GRM1: variants seen among roughly 807,000 people sequenced by gnomAD.
The protein encoded by GRM1 is glutamate metabotropic receptor 1.
Under a neutral mutation model 90.9 loss-of-function variants are expected in GRM1, and 33 were observed. That is an observed-to-expected ratio of 0.36 (90% CI 0.28 to 0.49). The LOEUF (loss-of-function observed/expected upper bound fraction) is 0.49. GRM1 is among the 20% of genes least tolerant of loss of function. GRM1 has a pLI of 0.99. For missense variants in GRM1, 1,190 were observed against 1,534.3 expected (o/e 0.78, Z 3.75); for synonymous variants, 700 against 613.2 (o/e 1.14, Z -2.09).
At chr6:146,174,947 C>T (rs1377106952) in intron 2 of GRM1, among the ~76,000 whole-genome samples, 1 of 152,148 alleles carries the variant, frequency 6.6e-6, no homozygotes, top group Non-Finnish European at 1.5e-5. Context: ...TGTGTGGGGC[C>T]AGCCCAGGTG....
At chr6:146,209,610 A>C (rs1170509735) in intron 2 of GRM1, among the ~76,000 whole-genome samples, 1 of 152,184 alleles carries the variant, frequency 6.6e-6, no homozygotes, top group Non-Finnish European at 1.5e-5. Context: ...TTTGGAGGCA[A>C]GTTACACAAA....
chr6:146,378,594 C>A (rs1776199919), intron 5 of GRM1, among the ~76,000 whole-genome samples: 1 of 152,222 alleles, frequency 6.6e-6, no homozygotes, highest in Non-Finnish European at 1.5e-5. Context: ...GTTATTTACC[C>A]AATTCCTGTA....
chr6:146,345,700 C>G (rs1785165010), intron 3 of GRM1, among the ~76,000 whole-genome samples: 4 of 151,748 alleles, frequency 2.6e-5, no homozygotes, highest in Admixed American at 2.6e-4. Flanking sequence ...AGAGGTGGTG[C>G]TATGAGCATA....
At chr6:146,227,222 A>G (rs1780273189) in intron 2 of GRM1, among the ~76,000 whole-genome samples, 1 of 151,708 alleles carries the variant, frequency 6.6e-6, no homozygotes, top group African/African-American at 2.4e-5. Context: ...GTGTGTATCT[A>G]CACACATACA....
chr6:146,339,578 T>C (rs558692302), intron 3 of GRM1, among the ~76,000 whole-genome samples: 49 of 152,232 alleles, frequency 3.2e-4, no homozygotes, highest in Non-Finnish European at 4.4e-5. Context: ...TCACCATCAA[T>C]AATAATCATG....
chr6:146,297,055 T>C (rs967700517), intron 2 of GRM1, among the ~76,000 whole-genome samples: 2 of 152,238 alleles, frequency 1.3e-5, no homozygotes, highest in Non-Finnish European at 2.9e-5. Flanking sequence ...TGCTAGCACC[T>C]GGGAATTACT....
At chr6:146,398,624 G>T (rs567040222) in intron 6 of GRM1, 145 bp from the exon 7 acceptor site, 34 of 727,024 alleles carry the variant, frequency 4.7e-5, no homozygotes, top group Non-Finnish European at 7.8e-5. Flanking sequence ...CTTTATTTGT[G>T]TAATAGTGTG....
At chr6:146,132,905 T>C (rs1776464675) in intron 1 of GRM1, among the ~76,000 whole-genome samples, 1 of 152,210 alleles carries the variant, frequency 6.6e-6, no homozygotes, top group Admixed American at 6.5e-5. Context: ...AAGGCCTAGT[T>C]CTACCTGGCA....
intron 1 of GRM1, among the ~76,000 whole-genome samples, chr6:146,126,005 A>G (rs987835658): frequency 1.3e-5 from 2 of 152,088 alleles, no homozygotes; most frequent in Non-Finnish European, 2.9e-5. Flanking sequence ...ACGAAGTGAT[A>G]TATTTCTATT....
intron 7 of GRM1, among the ~76,000 whole-genome samples, chr6:146,420,607 A>G (rs555193466): frequency 7.2e-5 from 11 of 152,346 alleles, no homozygotes; most frequent in African/African-American, 2.4e-4. Context: ...ATAAAATACT[A>G]TTAGGCATAC....
chr6:146,071,544 T>C (rs1221207563), intron 1 of GRM1, among the ~76,000 whole-genome samples: 1 of 152,216 alleles, frequency 6.6e-6, no homozygotes, highest in African/African-American at 2.4e-5. Flanking sequence ...CAAGACTTTT[T>C]GGAAGAGCAT....
chr6:146,237,853 C>T (rs190645049), intron 2 of GRM1, among the ~76,000 whole-genome samples: 2 of 152,092 alleles, frequency 1.3e-5, no homozygotes, highest in Non-Finnish European at 1.5e-5. Flanking sequence ...TTTACAAGGG[C>T]GTAAGTACAG....
At chr6:146,128,341 A>G (rs1776273039) in intron 1 of GRM1, among the ~76,000 whole-genome samples, 1 of 152,212 alleles carries the variant, frequency 6.6e-6, no homozygotes, top group Non-Finnish European at 1.5e-5. Flanking sequence ...TATCAAGAGC[A>G]TTTAATATGT....
chr6:146,239,497 G>A (rs972269346), intron 2 of GRM1, among the ~76,000 whole-genome samples: 1 of 152,018 alleles, frequency 6.6e-6, no homozygotes, highest in Non-Finnish European at 1.5e-5. Flanking sequence ...CATCATACAG[G>A]CAGGTTCTTT....
chr6:146,245,791 A>G (rs1488699511), intron 2 of GRM1, among the ~76,000 whole-genome samples: 2 of 152,218 alleles, frequency 1.3e-5, no homozygotes, highest in Non-Finnish European at 2.9e-5. Context: ...CCAACTGTTT[A>G]AATCTTACAA....
chr6:146,205,867 C>T (rs1779476993), intron 2 of GRM1, among the ~76,000 whole-genome samples: 1 of 152,108 alleles, frequency 6.6e-6, no homozygotes, highest in Non-Finnish European at 1.5e-5. Context: ...CTCCTTTTCC[C>T]ACATGCTCCA....
intron 2 of GRM1, among the ~76,000 whole-genome samples, chr6:146,274,335 A>G (rs1782279751): frequency 6.6e-6 from 1 of 152,184 alleles, no homozygotes; most frequent in Non-Finnish European, 1.5e-5. Flanking sequence ...TTTGTGAACT[A>G]TTTTCAATAA....
chr6:146,373,348 A>T (rs1419775799), intron 5 of GRM1, among the ~76,000 whole-genome samples: 2 of 152,184 alleles, frequency 1.3e-5, no homozygotes, highest in Non-Finnish European at 1.5e-5. Flanking sequence ...ACTTACAATC[A>T]TGGCAGAAGG....
intron 5 of GRM1, among the ~76,000 whole-genome samples, chr6:146,368,063 A>G (rs1775759210): frequency 6.6e-6 from 1 of 152,062 alleles, no homozygotes; most frequent in African/African-American, 2.4e-5. Context: ...TATAGTTTTG[A>G]TTGTAAAAAT....
Sources: allele counts gnomAD v4.1 joint callset (sites outside exome capture counted in the v4.1 genomes callset), GRCh38; gene constraint gnomAD v4.1.1; transcripts MANE v1.5; gene names NCBI Gene and HGNC (gene_info 2026-07-23, HGNC 2026-07-21).